Variants in PRKG1 observed in about 807,000 individuals in gnomAD.
The protein encoded by PRKG1 is cGMP-dependent protein kinase 1.
Under a neutral mutation model 88.1 loss-of-function variants are expected in PRKG1, and 35 were observed. The ratio of observed to expected loss-of-function variants is 0.40; its 90% CI spans 0.30 to 0.53. PRKG1 has a LOEUF of 0.53. PRKG1 is among the 20% of genes least tolerant of loss of function. The pLI, the probability that PRKG1 is intolerant of heterozygous loss-of-function variation, is 0.59. For synonymous variants in PRKG1, 303 were observed against 292.5 expected (o/e 1.04, Z -0.37); for missense variants, 540 against 839.8 (o/e 0.64, Z 4.41).
intron 2 of PRKG1, among the ~76,000 whole-genome samples, chr10:51,350,083 C>T (rs1178848166): frequency 6.6e-6 from 1 of 152,158 alleles, no homozygotes; most frequent in Admixed American, 6.6e-5. Context: ...GTGCTAATGA[C>T]TGTGCTGAGT....
chr10:51,947,668 G>C (rs56681762), intron 5 of PRKG1, among the ~76,000 whole-genome samples: 1,986 of 152,262 alleles, frequency 0.013, 32 homozygotes, highest in African/African-American at 0.043. Flanking sequence ...CAGGTTCATG[G>C]GCTGAGGAGA....
intron 5 of PRKG1, among the ~76,000 whole-genome samples, chr10:51,951,241 C>T (rs1843177151): frequency 1.3e-5 from 2 of 152,196 alleles, no homozygotes; most frequent in East Asian, 1.9e-4. Context: ...TTGGCTGCCT[C>T]CTGTTGCTCT....
chr10:51,345,175 G>A (rs72805003), intron 2 of PRKG1, among the ~76,000 whole-genome samples: 35,040 of 151,954 alleles, frequency 0.23, 4,466 homozygotes, highest in East Asian at 0.35. Flanking sequence ...AAATAAAAGA[G>A]ATATTAAATT....
chr10:51,861,021 T>G (rs1175814544), intron 4 of PRKG1, among the ~76,000 whole-genome samples: 1 of 152,236 alleles, frequency 6.6e-6, no homozygotes, highest in Admixed American at 6.5e-5. Flanking sequence ...ACTCACTACA[T>G]GCCTAGCAAA....
intron 2 of PRKG1, among the ~76,000 whole-genome samples, chr10:51,180,490 T>G (rs867096280): frequency 3.9e-5 from 6 of 152,328 alleles, no homozygotes; most frequent in Non-Finnish European, 5.9e-5. Context: ...ATAAATCTTA[T>G]TTAGCAGACA....
At chr10:52,026,608 G>T (rs917983055) in intron 5 of PRKG1, among the ~76,000 whole-genome samples, 1 of 152,198 alleles carries the variant, frequency 6.6e-6, no homozygotes, top group Non-Finnish European at 1.5e-5. Flanking sequence ...TAGGGGTGAT[G>T]AAAAGATTCT....
intron 3 of PRKG1, among the ~76,000 whole-genome samples, chr10:51,529,377 T>C (rs1417706511): frequency 6.6e-6 from 1 of 152,200 alleles, no homozygotes; most frequent in Non-Finnish European, 1.5e-5. Flanking sequence ...ATTTTGTTCA[T>C]TGCTTGAAGC....
intron 5 of PRKG1, among the ~76,000 whole-genome samples, chr10:52,013,242 C>A (rs1461928904): frequency 1.3e-5 from 2 of 152,036 alleles, no homozygotes; most frequent in African/African-American, 2.4e-5. Flanking sequence ...CACGGTGAAA[C>A]CCCGTCTCTA....
At chr10:51,830,862 T>C (rs1200340333) in intron 4 of PRKG1, among the ~76,000 whole-genome samples, 1 of 152,054 alleles carries the variant, frequency 6.6e-6, no homozygotes, top group Non-Finnish European at 1.5e-5. Context: ...GCACCCTGCC[T>C]AAAGTGATTT....
At chr10:52,262,147 G>A (rs1045582987) in intron 10 of PRKG1, among the ~76,000 whole-genome samples, 3 of 151,988 alleles carry the variant, frequency 2.0e-5, no homozygotes, top group Non-Finnish European at 4.4e-5. Context: ...ATCATATCTT[G>A]GAAATCATAG....
intron 3 of PRKG1, among the ~76,000 whole-genome samples, chr10:51,733,371 T>C (rs371817767): frequency 6.6e-6 from 1 of 152,306 alleles, no homozygotes; most frequent in Non-Finnish European, 1.5e-5. Flanking sequence ...GGGTGGTTGA[T>C]ACAGTTTTCC....
chr10:51,590,755 G>A (rs1564564074), intron 3 of PRKG1, among the ~76,000 whole-genome samples: 1 of 151,922 alleles, frequency 6.6e-6, no homozygotes, highest in Non-Finnish European at 1.5e-5. Context: ...TTTGCAGTTT[G>A]TGAGCTCTCT....
intron 3 of PRKG1, among the ~76,000 whole-genome samples, chr10:51,518,235 T>A (rs1841645256): frequency 6.6e-6 from 1 of 152,126 alleles, no homozygotes; most frequent in African/African-American, 2.4e-5. Context: ...TGGCCTCAGG[T>A]GATCCACCCT....
chr10:51,811,685 A>G (rs750990298), intron 4 of PRKG1, among the ~76,000 whole-genome samples: 2 of 152,194 alleles, frequency 1.3e-5, no homozygotes, highest in Non-Finnish European at 2.9e-5. Flanking sequence ...CTTCAAGGTA[A>G]AATTCCCCAC....
intron 9 of PRKG1, among the ~76,000 whole-genome samples, chr10:52,226,620 C>T (rs537066537): frequency 1.4e-3 from 210 of 152,222 alleles, no homozygotes; most frequent in African/African-American, 4.9e-3. Context: ...AAACCTGCCC[C>T]AAGCATCCTC....
chr10:52,022,665 C>T (rs1424569862), intron 5 of PRKG1, among the ~76,000 whole-genome samples: 3 of 152,010 alleles, frequency 2.0e-5, no homozygotes, highest in Non-Finnish European at 4.4e-5. Flanking sequence ...TATAGCTCAT[C>T]TGAAAATAAT....
chr10:51,758,590 T>C (rs1163696206), intron 3 of PRKG1, among the ~76,000 whole-genome samples: 1 of 152,176 alleles, frequency 6.6e-6, no homozygotes, highest in Non-Finnish European at 1.5e-5. Context: ...CTGGGCCTCT[T>C]CCAGGTGACA....
chr10:51,897,700 G>T (rs959126968), intron 4 of PRKG1, among the ~76,000 whole-genome samples: 1 of 151,962 alleles, frequency 6.6e-6, no homozygotes, highest in Non-Finnish European at 1.5e-5. Flanking sequence ...AGGAAATCAT[G>T]TTGCTTCTGC....
chr10:51,556,572 A>T (rs1837317716), intron 3 of PRKG1, among the ~76,000 whole-genome samples: 1 of 152,052 alleles, frequency 6.6e-6, no homozygotes, highest in African/African-American at 2.4e-5. Context: ...TCCTTGCAGC[A>T]ATATGGATGC....
Sources: allele counts gnomAD v4.1 joint callset (sites outside exome capture counted in the v4.1 genomes callset), GRCh38; gene constraint gnomAD v4.1.1; transcripts MANE v1.5; gene names NCBI Gene and HGNC (gene_info 2026-07-23, HGNC 2026-07-21).